F13A1: variants seen among roughly 807,000 people sequenced by gnomAD.
F13A1 encodes FSF, A subunit.
In F13A1, 47 loss-of-function variants were observed where a neutral mutation model predicts 80.1. That is an observed-to-expected ratio of 0.59 (90% CI 0.46 to 0.75). The LOEUF is 0.75. Among genes scored for constraint, F13A1 ranks in the 30% least tolerant of loss-of-function variants. F13A1 has a pLI of 0.00. For synonymous variants in F13A1, 349 were observed against 344.9 expected (o/e 1.01, Z -0.13); for missense variants, 817 against 930.4 (o/e 0.88, Z 1.59).
chr6:6,270,518 T>C (rs1757907277), intron 3 of F13A1, among the ~76,000 whole-genome samples: 1 of 152,206 alleles, frequency 6.6e-6, no homozygotes, highest in Non-Finnish European at 1.5e-5. Flanking sequence ...CACATAGTGA[T>C]GCAAATAAAG....
chr6:6,315,816 T>C (rs1758672274), intron 2 of F13A1, among the ~76,000 whole-genome samples: 2 of 151,778 alleles, frequency 1.3e-5, no homozygotes, highest in Admixed American at 1.3e-4. Flanking sequence ...CATCCGCAGA[T>C]TGGTAACCGC....
At chr6:6,176,856 GAGA>G (rs915550457) in intron 11 of F13A1, among the ~76,000 whole-genome samples, 47 of 152,324 alleles carry the variant, frequency 3.1e-4, no homozygotes, top group South Asian at 4.1e-4. Context: ...AGGTGAATGG[GAGA>G]AGAAGCCTTG....
At chr6:6,256,421 G>T (rs1351289147) in intron 4 of F13A1, among the ~76,000 whole-genome samples, 3 of 152,130 alleles carry the variant, frequency 2.0e-5, no homozygotes, top group Non-Finnish European at 4.4e-5. Flanking sequence ...GATTACACAT[G>T]GCACCATTGG....
intron 4 of F13A1, among the ~76,000 whole-genome samples, chr6:6,259,558 C>T (rs1307916371): frequency 6.6e-6 from 1 of 152,154 alleles, no homozygotes; most frequent in East Asian, 1.9e-4. Flanking sequence ...GAGAAATCCA[C>T]ACACACATCA....
At chr6:6,161,875 C>T (rs1462895837) in intron 13 of F13A1, among the ~76,000 whole-genome samples, 1 of 152,078 alleles carries the variant, frequency 6.6e-6, no homozygotes. Context: ...AAGCCACTGG[C>T]CTGCTTTGGT....
At chr6:6,301,805 T>G (rs1449042078) in intron 3 of F13A1, among the ~76,000 whole-genome samples, 1 of 152,132 alleles carries the variant, frequency 6.6e-6, no homozygotes, top group Admixed American at 6.6e-5. Flanking sequence ...ACACCAAGGC[T>G]GTAACCCCAG....
At chr6:6,257,588 T>C (rs1037375382) in intron 4 of F13A1, among the ~76,000 whole-genome samples, 4 of 152,164 alleles carry the variant, frequency 2.6e-5, no homozygotes, top group Admixed American at 6.6e-5. Flanking sequence ...TAACACCGCT[T>C]CTCTTGGAGA....
intron 8 of F13A1, among the ~76,000 whole-genome samples, chr6:6,217,974 C>G (rs145828152): frequency 6.6e-6 from 1 of 152,168 alleles, no homozygotes; most frequent in Non-Finnish European, 1.5e-5. Flanking sequence ...CTATGCCCTG[C>G]ACACTGTTAC....
At position 6,144,374 on chromosome 6, in the gene F13A1, T is replaced by A. The variant is rs140551231; in HGVS notation, c.*1245A>T. ...ATTCTGATTTTGCCCCCAGTATACT[T>A]ATCACTGTTCATTTTTTGCTAAGAA... is the stretch of plus-strand genomic sequence containing the variant. On this transcript the variant is annotated 3_prime_UTR_variant, in exon 15 of 15. Coordinates refer to ENST00000264870, the MANE Select transcript of F13A1 (RefSeq NM_000129.4). The A allele has an allele frequency of 6.6e-6, 1 of 152,348 alleles. No homozygotes were observed. Among genetic ancestry groups the A allele is most frequent in the East Asian group, 1.9e-4 (1 of 5,192 alleles). The allele number at this position is 152,348 out of a possible 1,614,324, so 9.4% of individuals were successfully genotyped here.
At chr6:6,221,927 T>C in intron 8 of F13A1, 106 bp downstream of exon 8, 1 of 1,305,628 alleles carries the variant, frequency 7.7e-7, no homozygotes. Context: ...TGCTGTTGAA[T>C]GGTCCTCAAA....
rs1403134228 is a variant in F13A1 at position 6,190,831 on chromosome 6, C to T, written c.1305+4966G>A. Among the ~76,000 whole-genome samples, 390 of 151,732 alleles carry T rather than the reference C, an allele frequency of 2.6e-3. 1 individual carries two copies. Among genetic ancestry groups the T allele is most frequent in the African/African-American group, 8.3e-3 (342 of 41,372 alleles). ...GGCGCCCCTCCCCCAGCCTCGCTGC[C>T]GCCTTGCAGTTTGATCTCAGACTGC... On this transcript the variant is annotated intron_variant, in intron 10 of 14. Transcript: ENST00000264870.
At chr6:6,222,331 C>T (rs1289406011) in intron 7 of F13A1, among the ~76,000 whole-genome samples, 160 bp from the exon 8 acceptor site, 1 of 152,210 alleles carries the variant, frequency 6.6e-6, no homozygotes, top group Non-Finnish European at 1.5e-5. Context: ...GGTGGTCATT[C>T]AACCCCATGG....
At chr6:6,176,730 A>C (rs1760888207) in intron 11 of F13A1, among the ~76,000 whole-genome samples, 1 of 152,226 alleles carries the variant, frequency 6.6e-6, no homozygotes, top group African/African-American at 2.4e-5. Context: ...ATCCATGAGA[A>C]GAGAACATTA....
At chr6:6,305,756 T>C (rs1399962910) in intron 2 of F13A1, 2 of 555,762 alleles carry the variant, frequency 3.6e-6, no homozygotes, top group Non-Finnish European at 6.4e-6. Context: ...TTTTCCACCT[T>C]TGATCTCGTT....
intron 12 of F13A1, among the ~76,000 whole-genome samples, chr6:6,170,650 T>C (rs766066796): frequency 6.6e-6 from 1 of 152,138 alleles, no homozygotes; most frequent in African/African-American, 2.4e-5. Flanking sequence ...GTGGAAATGA[T>C]AGCACCTTTG....
intron 11 of F13A1, among the ~76,000 whole-genome samples, chr6:6,181,563 T>C (rs1402925932): frequency 6.6e-6 from 1 of 152,242 alleles, no homozygotes; most frequent in Non-Finnish European, 1.5e-5. Flanking sequence ...CATGATAATG[T>C]AATAGAACAA....
At chr6:6,165,722 T>G (rs879864494) in intron 13 of F13A1, among the ~76,000 whole-genome samples, 2 of 152,258 alleles carry the variant, frequency 1.3e-5, no homozygotes, top group Admixed American at 6.5e-5. Context: ...TAGGGCATCC[T>G]GCACCTTAAG....
intron 10 of F13A1, among the ~76,000 whole-genome samples, chr6:6,195,098 TACCCAACATCTCTTA>T (rs1401497106): frequency 6.6e-6 from 1 of 152,270 alleles, no homozygotes; most frequent in East Asian, 1.9e-4. Context: ...CCTTCTCGTT[TACCCAACATCTCTTA>T]CATTTAATTT....
intron 13 of F13A1, among the ~76,000 whole-genome samples, chr6:6,159,487 G>A (rs901371389): frequency 1.3e-5 from 2 of 152,200 alleles, no homozygotes; most frequent in African/African-American, 4.8e-5. Flanking sequence ...CTGGAGCCAG[G>A]ATGCAACTGT....
Sources: allele counts gnomAD v4.1 joint callset (sites outside exome capture counted in the v4.1 genomes callset), GRCh38; gene constraint gnomAD v4.1.1; transcripts MANE v1.5; gene names NCBI Gene and HGNC (gene_info 2026-07-23, HGNC 2026-07-21).